Variants in MLLT10 observed in about 807,000 individuals in gnomAD.
The protein encoded by MLLT10 is protein AF-10.
Under a neutral mutation model 129.1 loss-of-function variants are expected in MLLT10, and 30 were observed. That is an observed-to-expected ratio of 0.23 (90% confidence interval 0.17 to 0.32). MLLT10 has a LOEUF of 0.32. Among genes scored for constraint, MLLT10 ranks in the 10% least tolerant of loss-of-function variants. The pLI, the probability that MLLT10 is intolerant of heterozygous loss-of-function variation, is 1.00. For synonymous variants in MLLT10, 490 were observed against 446.4 expected (o/e 1.10, Z -1.23); for missense variants, 1,119 against 1,268.3 (o/e 0.88, Z 1.79).
At chr10:21,577,536 A>G (rs144097292) in intron 3 of MLLT10, among the ~76,000 whole-genome samples, 386 of 150,706 alleles carry the variant, frequency 2.6e-3, no homozygotes, top group African/African-American at 8.7e-3. Context: ...CAATGGCGCA[A>G]TCTCAGCCCA....
At chr10:21,606,451 G>A (rs923269557) in intron 5 of MLLT10, among the ~76,000 whole-genome samples, 1 of 152,218 alleles carries the variant, frequency 6.6e-6, no homozygotes, top group African/African-American at 2.4e-5. Context: ...TCTGGGCAAA[G>A]TACATTGAAA....
intron 3 of MLLT10, among the ~76,000 whole-genome samples, chr10:21,583,550 A>G (rs1249156029): frequency 1.3e-5 from 2 of 152,314 alleles, no homozygotes; most frequent in East Asian, 1.9e-4. Flanking sequence ...TTTGGTTCAC[A>G]GTTCTGTAGG....
chr10:21,669,057 GC>G (rs763252513), intron 9 of MLLT10: 23 of 1,366,948 alleles, frequency 1.7e-5, no homozygotes, highest in Non-Finnish European at 2.2e-5. Flanking sequence ...TCTAAAGTAA[GC>G]CATGAAGTTT....
chr10:21,669,772 A>G (rs527862687), intron 9 of MLLT10, among the ~76,000 whole-genome samples: 4 of 152,338 alleles, frequency 2.6e-5, no homozygotes, highest in African/African-American at 9.6e-5. Context: ...TGGAAACTAT[A>G]CAAGTCTTCA....
chr10:21,540,942 C>T (rs1203234839), intron 3 of MLLT10, among the ~76,000 whole-genome samples: 4 of 152,004 alleles, frequency 2.6e-5, no homozygotes, highest in African/African-American at 9.7e-5. Flanking sequence ...GGTGGATGAC[C>T]TGAGGTCAGG....
chr10:21,624,791 C>G, intron 8 of MLLT10: 3 of 1,074,216 alleles, frequency 2.8e-6, no homozygotes, highest in Non-Finnish European at 4.2e-6. Context: ...CCTACATTGT[C>G]CCCTGATTGC....
chr10:21,690,375 TA>T (rs1362837516), intron 13 of MLLT10, among the ~76,000 whole-genome samples: 4 of 152,114 alleles, frequency 2.6e-5, no homozygotes, highest in African/African-American at 9.7e-5. Context: ...AAAACCTTCA[TA>T]ATTTGAATTA....
At chr10:21,737,085 G>T (rs1277395791) in intron 21 of MLLT10, among the ~76,000 whole-genome samples, 1 of 119,880 alleles carries the variant, frequency 8.3e-6, no homozygotes, top group African/African-American at 3.4e-5. Flanking sequence ...TTGACCAACC[G>T]GGCGTGCTGG....
intron 5 of MLLT10, among the ~76,000 whole-genome samples, chr10:21,608,503 C>T (rs753170884): frequency 6.6e-6 from 1 of 151,948 alleles, no homozygotes; most frequent in Non-Finnish European, 1.5e-5. Flanking sequence ...ATGTGAATCT[C>T]TTTGTTTTCA....
chr10:21,566,906 C>T lies in MLLT10; in HGVS notation c.241-19388C>T, dbSNP rs1224255965. Among the ~76,000 whole-genome samples, 7 of 151,952 alleles carry T rather than the reference C, an allele frequency of 4.6e-5. No homozygotes were observed. The East Asian group carries it at 7.8e-4, about 17-fold the overall frequency. ...TCGGCTCACCTCAACCTCCGCCTTC[C>T]GGGTTCAAGCGATTCTCCTGCCTCA... On this transcript the variant is annotated intron_variant, in intron 3 of 22. Coordinates refer to ENST00000307729, the MANE Select transcript of MLLT10 (RefSeq NM_001195626.3).
intron 8 of MLLT10, among the ~76,000 whole-genome samples, chr10:21,630,014 G>C (rs1020040738): frequency 6.6e-6 from 1 of 152,102 alleles, no homozygotes; most frequent in African/African-American, 2.4e-5. Context: ...AAGGGAGGAG[G>C]CAGGAAAAAT....
intron 13 of MLLT10, among the ~76,000 whole-genome samples, chr10:21,702,340 A>G (rs1390914963): frequency 1.3e-5 from 2 of 152,068 alleles, no homozygotes; most frequent in Non-Finnish European, 2.9e-5. Context: ...ATTTTTAAAG[A>G]TTTGTTTTGT....
intron 12 of MLLT10, among the ~76,000 whole-genome samples, chr10:21,681,949 GA>G (rs1352274174): frequency 6.6e-6 from 1 of 152,048 alleles, no homozygotes; most frequent in Non-Finnish European, 1.5e-5. Context: ...AAAGTGATTT[GA>G]AATACATATT....
chr10:21,543,083 G>A (rs1168830884), intron 3 of MLLT10, among the ~76,000 whole-genome samples: 1 of 151,258 alleles, frequency 6.6e-6, no homozygotes, highest in Admixed American at 6.6e-5. Flanking sequence ...CTCAGCCTCC[G>A]GAGTAGCTGA....
At chr10:21,554,456 T>A (rs1281405128) in intron 3 of MLLT10, among the ~76,000 whole-genome samples, 4 of 138,920 alleles carry the variant, frequency 2.9e-5, no homozygotes, top group African/African-American at 7.8e-5. Context: ...TTCACTTAAA[T>A]TTTTTTTTTT....
intron 14 of MLLT10, among the ~76,000 whole-genome samples, chr10:21,722,948 C>CT (rs987142978): frequency 1.1e-4 from 17 of 152,124 alleles, no homozygotes; most frequent in Admixed American, 8.5e-4. Context: ...CAAAATGACT[C>CT]TATCTGGTAA....
chr10:21,717,868 C>T (rs949156327), intron 14 of MLLT10, among the ~76,000 whole-genome samples: 3 of 144,782 alleles, frequency 2.1e-5, no homozygotes, highest in African/African-American at 7.9e-5. Context: ...CCTCCTTCTC[C>T]TCCTCCTTCT....
chr10:21,726,852 A>T (rs1234935830), intron 15 of MLLT10, among the ~76,000 whole-genome samples: 1 of 152,136 alleles, frequency 6.6e-6, no homozygotes, highest in Non-Finnish European at 1.5e-5. Flanking sequence ...TGAATAGCCT[A>T]AACCTTTATT....
chr10:21,537,979 A>G (rs1327690633), intron 2 of MLLT10, among the ~76,000 whole-genome samples: 1 of 151,798 alleles, frequency 6.6e-6, no homozygotes, highest in Non-Finnish European at 1.5e-5. Flanking sequence ...GAGCATTCAC[A>G]TCATTATGTA....
Sources: gnomAD v4.1 joint callset for allele counts (sites outside exome capture counted in the v4.1 genomes callset) on GRCh38, gnomAD v4.1.1 for gene constraint, MANE v1.5 for transcripts, NCBI Gene and HGNC (gene_info 2026-07-23, HGNC 2026-07-21) for gene names.